PRELID2: variants seen among roughly 807,000 people sequenced by gnomAD.
The protein encoded by PRELID2 is PRELI domain containing 2, also known as PRELI domain-containing protein 2.
PRELID2 carries 25 observed loss-of-function variants against 28.4 expected under a neutral mutation model. The ratio of observed to expected loss-of-function variants is 0.88; its 90% CI spans 0.64 to 1.23. The LOEUF is 1.23. Ranked by LOEUF, PRELID2 falls within the 50% of genes most tolerant of loss-of-function variation. The pLI, the probability that PRELID2 is intolerant of heterozygous loss-of-function variation, is 0.00. For missense variants in PRELID2, 201 were observed against 214.4 expected, an observed-to-expected ratio of 0.94 and a Z score of 0.39; for synonymous variants, 76 against 71.6, an observed-to-expected ratio of 1.06 and a Z score of -0.31.
the PRELID2 span, among the ~76,000 whole-genome samples, chr5:145,336,005 G>A: frequency 2.0e-5 from 3 of 152,194 alleles, no homozygotes; most frequent in African/African-American, 4.8e-5. Flanking sequence ...GTTTTGATTT[G>A]CATTTCTCTG....
intron 1 of PRELID2, among the ~76,000 whole-genome samples, chr5:145,576,213 A>G (rs1308241632): frequency 6.6e-6 from 1 of 152,146 alleles, no homozygotes; most frequent in African/African-American, 2.4e-5. Context: ...TCACTATGTT[A>G]AACTTTAAAA....
At chr5:145,240,820 A>T in the PRELID2 span, among the ~76,000 whole-genome samples, 2 of 152,140 alleles carry the variant, frequency 1.3e-5, no homozygotes, top group East Asian at 3.9e-4. Context: ...TAAAAAAATT[A>T]ACATGTTTGT....
At chr5:145,273,108 A>C in the PRELID2 span, among the ~76,000 whole-genome samples, 1 of 152,180 alleles carries the variant, frequency 6.6e-6, no homozygotes. Context: ...AAGGGAAACC[A>C]CTGAAAGATT....
chr5:145,552,089 G>A (rs545796134), intron 1 of PRELID2, among the ~76,000 whole-genome samples: 1 of 152,260 alleles, frequency 6.6e-6, no homozygotes, highest in African/African-American at 2.4e-5. Flanking sequence ...AGAATGATAA[G>A]AACTTTTCTT....
At chr5:145,461,271 G>A in the PRELID2 span, among the ~76,000 whole-genome samples, 7 of 152,000 alleles carry the variant, frequency 4.6e-5, no homozygotes, top group African/African-American at 1.7e-4. Flanking sequence ...ATTGCTCATC[G>A]ACTGTATACC....
chr5:145,267,018 C>A, the PRELID2 span, among the ~76,000 whole-genome samples: 2 of 151,896 alleles, frequency 1.3e-5, no homozygotes, highest in Non-Finnish European at 2.9e-5. Context: ...ACTTTGGGGA[C>A]TTGGGGAAAA....
At chr5:145,505,125 C>T (rs187794157) in intron 1 of PRELID2, among the ~76,000 whole-genome samples, 2 of 150,992 alleles carry the variant, frequency 1.3e-5, no homozygotes, top group African/African-American at 4.9e-5. Context: ...CACACTAGCT[C>T]TATACATACT....
intron 1 of PRELID2, among the ~76,000 whole-genome samples, chr5:145,579,029 T>C (rs2149623291): frequency 6.6e-6 from 1 of 152,192 alleles, no homozygotes; most frequent in South Asian, 2.1e-4. Flanking sequence ...ACTCATCAGT[T>C]GTATGGGCCA....
chr5:145,400,993 C>T, the PRELID2 span, among the ~76,000 whole-genome samples: 2 of 152,076 alleles, frequency 1.3e-5, no homozygotes, highest in African/African-American at 2.4e-5. Context: ...GTAATTACCA[C>T]CAGACAGCCT....
chr5:145,649,507 T>G (rs907182204), intron 1 of PRELID2, among the ~76,000 whole-genome samples: 11 of 152,170 alleles, frequency 7.2e-5, no homozygotes, highest in African/African-American at 1.7e-4. Flanking sequence ...CATTTTTAAT[T>G]TATGATATTT....
At chr5:145,617,585 T>C (rs895895880) in intron 1 of PRELID2, among the ~76,000 whole-genome samples, 10 of 152,208 alleles carry the variant, frequency 6.6e-5, no homozygotes, top group African/African-American at 2.4e-5. Context: ...TTTGTTGGAT[T>C]GAGTTAATTC....
chr5:145,825,574 A>G (rs2149879653), intron 1 of PRELID2, among the ~76,000 whole-genome samples: 1 of 152,338 alleles, frequency 6.6e-6, no homozygotes, highest in East Asian at 1.9e-4. Context: ...AAAGATAACT[A>G]AACTATAAAA....
chr5:145,651,194 G>T (rs180971819), intron 1 of PRELID2, among the ~76,000 whole-genome samples: 1 of 152,186 alleles, frequency 6.6e-6, no homozygotes, highest in African/African-American at 2.4e-5. Flanking sequence ...CTGCAAGACG[G>T]CAGTGAGGCT....
At chr5:145,714,781 G>A (rs912454120) in intron 1 of PRELID2, among the ~76,000 whole-genome samples, 1 of 151,790 alleles carries the variant, frequency 6.6e-6, no homozygotes, top group African/African-American at 2.4e-5. Flanking sequence ...CAGTTAACTC[G>A]CCTGCATTCT....
intron 1 of PRELID2, among the ~76,000 whole-genome samples, chr5:145,730,558 GTT>G (rs1035400858): frequency 1.3e-5 from 2 of 152,184 alleles, no homozygotes; most frequent in African/African-American, 4.8e-5. Flanking sequence ...ACAAAAGCAA[GTT>G]TGTTACCTGT....
chr5:145,453,680 G>GTTCCA, the PRELID2 span, among the ~76,000 whole-genome samples: 1 of 152,014 alleles, frequency 6.6e-6, no homozygotes, highest in Non-Finnish European at 1.5e-5. Flanking sequence ...TGTTCACATT[G>GTTCCA]TTCCACTCCC....
At chr5:145,408,726 A>C in the PRELID2 span, among the ~76,000 whole-genome samples, 1 of 152,200 alleles carries the variant, frequency 6.6e-6, no homozygotes, top group Non-Finnish European at 1.5e-5. Context: ...ATTATGTTTA[A>C]CGATCAGATG....
chr5:145,641,827 C>G (rs1166039406), intron 1 of PRELID2, among the ~76,000 whole-genome samples: 1 of 152,160 alleles, frequency 6.6e-6, no homozygotes, highest in Non-Finnish European at 1.5e-5. Flanking sequence ...CATCTATGTC[C>G]CTGCAAAGGA....
At chr5:145,788,750 T>C (rs758741548) in intron 5 of PRELID2, among the ~76,000 whole-genome samples, 7 of 151,752 alleles carry the variant, frequency 4.6e-5, no homozygotes, top group Admixed American at 1.3e-4. Flanking sequence ...CATGATCTTA[T>C]ATATATATAT....
Sources: allele counts gnomAD v4.1 joint callset (sites outside exome capture counted in the v4.1 genomes callset), GRCh38; gene constraint gnomAD v4.1.1; transcripts MANE v1.5; gene names NCBI Gene and HGNC (gene_info 2026-07-23, HGNC 2026-07-21).